VHL: variants seen among roughly 807,000 people sequenced by gnomAD.
The protein encoded by VHL is von Hippel-Lindau disease tumor suppressor.
A neutral mutation model predicts 19.2 loss-of-function variants in VHL; 10 were observed. The ratio of observed to expected loss-of-function variants is 0.52; its 90% CI spans 0.32 to 0.89. The LOEUF (loss-of-function observed/expected upper bound fraction) is 0.89, where lower values mean the gene tolerates loss of function less well. VHL is among the 40% of genes least tolerant of loss of function. VHL has a pLI of 0.03. For synonymous variants in VHL, 167 were observed against 129.5 expected, an observed-to-expected ratio of 1.29 and a Z score of -1.97; for missense variants, 328 against 292.7, an observed-to-expected ratio of 1.12 and a Z score of -0.88.
intron 1 of VHL, chr3:10,143,159 G>GGAGTGCAGTGGCCCACGCTA (rs1266895745): frequency 6.6e-6 from 1 of 151,206 alleles, no homozygotes; most frequent in African/African-American, 2.4e-5. Context: ...TCTGCAAGCT[G>GGAGTGCAGTGGCCCACGCTA]GAGTGCAGTG....
At chr3:10,147,195 A>C (rs536928968) in intron 2 of VHL, among the ~76,000 whole-genome samples, 5 of 151,778 alleles carry the variant, frequency 3.3e-5, no homozygotes, top group Non-Finnish European at 7.4e-5. Flanking sequence ...TATTTTTAGT[A>C]GAGACGGGGT....
chr3:10,148,947 A>G lies in VHL; in HGVS notation c.464-840A>G, dbSNP rs181857799. Among the ~76,000 whole-genome samples the G allele has an allele frequency of 4.6e-4, 70 of 151,984 alleles. 1 individual carries two copies. The highest frequency in any genetic ancestry group is 3.4e-3 in the Middle Eastern group (1 of 294). Reference sequence around the variant, plus strand: ...CTCAGCCTCCTAAAGTGCTAGGATTACAGGCGTGAGCCACTGCGCCCAGCC... The same window carrying G: ...CTCAGCCTCCTAAAGTGCTAGGATTGCAGGCGTGAGCCACTGCGCCCAGCC... On this transcript the variant is annotated intron_variant, in intron 2 of 2. Coordinates refer to ENST00000256474, the MANE Select transcript of VHL (RefSeq NM_000551.4).
In VHL at chr3:10,146,612, A is replaced by T. The variant is rs1057517560; in HGVS notation, c.439A>T (p.Ile147Phe). 1 of 1,613,970 alleles carries T rather than the reference A, an allele frequency of 6.2e-7. No individual in the cohort carries two copies. Among genetic ancestry groups the T allele is most frequent in the South Asian group, 1.1e-5 (1 of 91,084 alleles). ...VPSLNVDGQP[I>F]FANITLPVYT... ...ATCTCTCAATGTTGACGGACAGCCT[A>T]TTTTTGCCAATATCACACTGCCAGG... The change falls in exon 2 of 3, where the codon ATT becomes TTT. Residue 147 changes from isoleucine to phenylalanine, a missense_variant. Physicochemically the swap from Ile to Phe is conservative, Grantham distance 21. Transcript: ENST00000256474.
Position 10,152,211 on chromosome 3 carries a change from A to G in VHL, c.*2246A>G, listed in dbSNP as rs1204211918. ...GGTAAAACCCCATTTCTACTAAAAA[A>G]TACAAGAATTAGCTGGGTGTGGTGG... On this transcript the variant is annotated 3_prime_UTR_variant, in exon 3 of 3. Transcript: ENST00000256474. The G allele has an allele frequency of 6.5e-6, 1 of 154,968 alleles. No individual in the cohort carries two copies. Among genetic ancestry groups the G allele is most frequent in the African/African-American group, 2.4e-5 (1 of 41,476 alleles). 9.6% of individuals were successfully genotyped at this position (154,968 alleles called of 1,614,324 possible).
chr3:10,144,040 A>G (rs1369242638), intron 1 of VHL, among the ~76,000 whole-genome samples: 1 of 152,172 alleles, frequency 6.6e-6, no homozygotes, highest in African/African-American at 2.4e-5. Flanking sequence ...ACACTTTTAC[A>G]CCAGACTTCT....
At chr3:10,146,005 T>TCTC (rs75833577) in intron 1 of VHL, among the ~76,000 whole-genome samples, 123,583 of 151,644 alleles carry the variant, frequency 0.81, 50,735 homozygotes, top group East Asian at 0.86. Flanking sequence ...GCATGTCACT[T>TCTC]CTCTCAGACT....
chr3:10,149,109 CT>C (rs1696337631), intron 2 of VHL, among the ~76,000 whole-genome samples: 1 of 142,442 alleles, frequency 7.0e-6, no homozygotes, highest in African/African-American at 2.6e-5. Flanking sequence ...TTTTTTTTCT[CT>C]TTTCTTTTTT....
rs572770652 is a variant in VHL at position 10,145,379 on chromosome 3, T to C, written c.341-1135T>C. Among the ~76,000 whole-genome samples, 901 of 152,218 alleles carry C rather than the reference T, an allele frequency of 5.9e-3. 12 individuals are homozygous for C. The highest frequency in any genetic ancestry group is 0.02 in the African/African-American group (837 of 41,546). ...CAGAATCTTAGGGCTGGAGGATTGC[T>C]TCCTGCCCTCTTTTGTTTGTGATGT... On this transcript the variant is annotated intron_variant, in intron 1 of 2. Coordinates refer to ENST00000256474, the MANE Select transcript of VHL (RefSeq NM_000551.4).
In VHL at chr3:10,149,749, C is replaced by G. The variant is rs920035142; in HGVS notation, c.464-38C>G. The G allele has an allele frequency of 8.9e-6, 14 of 1,573,438 alleles. No individual in the cohort carries two copies. In the African/African-American group the frequency reaches 1.2e-4, roughly 14 times the overall value. Reference sequence around the variant, plus strand: ...CTTGTTCGTTCCTTGTACTGAGACCCTAGTCTGCCACTGAGGATTTGGTTT... The same window carrying G: ...CTTGTTCGTTCCTTGTACTGAGACCGTAGTCTGCCACTGAGGATTTGGTTT... On this transcript the variant is annotated intron_variant, in intron 2 of 2. Coordinates refer to ENST00000256474, the MANE Select transcript of VHL (RefSeq NM_000551.4).
At position 10,141,960 on chromosome 3, in the gene VHL, C is replaced by T. The variant is rs867958699; in HGVS notation, c.113C>T (p.Ser38Phe). 7.7e-6 allele frequency: 12 copies of T among 1,549,278 alleles called. No homozygotes were observed. Among genetic ancestry groups the T allele is most frequent in the Non-Finnish European group, 1.0e-5 (12 of 1,146,706 alleles). ...GGGGAGGAGTCGGGCGCCGAGGAGT[C>T]CGGCCCGGAAGAGTCCGGCCCGGAG... ...DGGEESGAEE[S>F]GPEESGPEEL... The change falls in exon 1 of 3, where the codon TCC becomes TTC. Residue 38 changes from serine to phenylalanine, a missense_variant. By Grantham distance (155) the Ser-to-Phe change is radical. Coordinates refer to ENST00000256474, the MANE Select transcript of VHL (RefSeq NM_000551.4).
intron 2 of VHL, among the ~76,000 whole-genome samples, chr3:10,149,340 T>G (rs966226151): frequency 6.6e-6 from 1 of 152,046 alleles, no homozygotes; most frequent in Non-Finnish European, 1.5e-5. Flanking sequence ...CTCGAACTCC[T>G]GAGCTCAGGC....
chr3:10,143,376 G>A (rs372190933), intron 1 of VHL, among the ~76,000 whole-genome samples: 2 of 152,148 alleles, frequency 1.3e-5, no homozygotes, highest in Non-Finnish European at 2.9e-5. Flanking sequence ...TGATCCACCC[G>A]CCTTGGCCTC....
chr3:10,146,422 C>T (rs2125128033), intron 1 of VHL, 92 bp from the exon 2 acceptor site: 1 of 1,558,238 alleles, frequency 6.4e-7, no homozygotes. Flanking sequence ...GATCCGCCTG[C>T]CTCGGCCTCC....
intron 2 of VHL, among the ~76,000 whole-genome samples, 182 bp from the exon 3 acceptor site, chr3:10,149,605 A>G (rs2125130281): frequency 6.6e-6 from 1 of 152,314 alleles, no homozygotes; most frequent in Non-Finnish European, 1.5e-5. Flanking sequence ...AGGCATGAAC[A>G]CCATGAGGTG....
Position 10,151,187 on chromosome 3 carries a change from A to G in VHL, c.*1222A>G, listed in dbSNP as rs72563744. On this transcript the variant is annotated 3_prime_UTR_variant, in exon 3 of 3. Transcript: ENST00000256474. ...GTGGGCCACCGTGCCTGGCTGATTCAGCATTTTTTATCAGGCAGGACCAGG... is the reference window on the plus strand; with the variant it reads ...GTGGGCCACCGTGCCTGGCTGATTCGGCATTTTTTATCAGGCAGGACCAGG... 4.8e-3 allele frequency: 954 copies of G among 197,498 alleles called. 13 individuals carry two copies. Among genetic ancestry groups the G allele is most frequent in the African/African-American group, 0.02 (883 of 43,518 alleles). The allele number at this position is 197,498 out of a possible 1,614,324, so 12.2% of individuals were successfully genotyped here.
At chr3:10,143,189 G>A (rs1297559747) in intron 1 of VHL, among the ~76,000 whole-genome samples, 1 of 151,936 alleles carries the variant, frequency 6.6e-6, no homozygotes, top group Non-Finnish European at 1.5e-5. Context: ...AGAATGCAGT[G>A]GCGCGATTGC....
chr3:10,145,800 A>C (rs1442443740), intron 1 of VHL, among the ~76,000 whole-genome samples: 1 of 151,998 alleles, frequency 6.6e-6, no homozygotes, highest in Non-Finnish European at 1.5e-5. Flanking sequence ...TTCTCTCGAC[A>C]TGTTTTTGCA....
At chr3:10,147,873 C>T (rs1696301870) in intron 2 of VHL, among the ~76,000 whole-genome samples, 1 of 152,038 alleles carries the variant, frequency 6.6e-6, no homozygotes, top group South Asian at 2.1e-4. Flanking sequence ...GGGAGGGTCG[C>T]TTGAGACCAG....
At chr3:10,143,406 G>A (rs948607040) in intron 1 of VHL, among the ~76,000 whole-genome samples, 4 of 152,172 alleles carry the variant, frequency 2.6e-5, no homozygotes, top group African/African-American at 7.2e-5. Context: ...TGAGATTACA[G>A]GTGTAAGCCA....
Sources: allele counts gnomAD v4.1 joint callset (sites outside exome capture counted in the v4.1 genomes callset), GRCh38; gene constraint gnomAD v4.1.1; transcripts MANE v1.5; gene names NCBI Gene and HGNC (gene_info 2026-07-23, HGNC 2026-07-21).